The following OBI1 variants were observed in gnomAD, a reference collection of about 807,000 sequenced individuals.
The protein encoded by OBI1 is ORC ubiquitin ligase 1.
Under a neutral mutation model 62.4 loss-of-function variants are expected in OBI1, and 59 were observed. The ratio of observed to expected loss-of-function variants is 0.95; its 90% CI spans 0.77 to 1.17. OBI1 has a LOEUF of 1.17. Ranked by LOEUF, OBI1 falls within the 50% of genes most tolerant of loss-of-function variation. The probability of loss-of-function intolerance (pLI) is 0.00; values close to 1 mark genes in which losing one functional copy is unlikely to be tolerated. For synonymous variants in OBI1, 302 were observed against 292.8 expected (o/e 1.03, Z -0.32); for missense variants, 875 against 830.9 (o/e 1.05, Z -0.65).
Position 78,633,794 on chromosome 13 carries a change from G to A in OBI1, c.638+1316C>T, listed in dbSNP as rs113993379. On this transcript the variant is annotated intron_variant, in intron 5 of 5. Transcript: ENST00000282003. ...AATAAAAACTACTCCATGGCCGGGCGTGGTGGCTCACGCCTGTAATCCCAG... is the reference window on the plus strand; with the variant it reads ...AATAAAAACTACTCCATGGCCGGGCATGGTGGCTCACGCCTGTAATCCCAG... 4.9e-4 allele frequency among the ~76,000 whole-genome samples: 75 copies of A among 152,220 alleles called. 1 individual carries two copies. The highest frequency in any genetic ancestry group is 3.3e-3 in the East Asian group (17 of 5,116).
At position 78,626,570 on chromosome 13, in the gene OBI1, G is replaced by T. The variant is rs567618712; in HGVS notation, c.638+8540C>A. Among the ~76,000 whole-genome samples, 15 of 152,236 alleles carry T rather than the reference G, an allele frequency of 9.9e-5. No homozygotes were observed. The South Asian group carries it at 2.9e-3, about 29-fold the overall frequency. On this transcript the variant is annotated intron_variant, in intron 5 of 5. Transcript: ENST00000282003. Reference sequence around the variant, plus strand: ...CACATATAAACCAACAACTGGGCTAGATCTCAAAGGACAGACAGGGATTAA... The same window carrying T: ...CACATATAAACCAACAACTGGGCTATATCTCAAAGGACAGACAGGGATTAA...
chr13:78,649,900 T>C (rs1876496935), intron 1 of OBI1, among the ~76,000 whole-genome samples: 1 of 152,236 alleles, frequency 6.6e-6, no homozygotes, highest in African/African-American at 2.4e-5. Flanking sequence ...TGCTTATCTT[T>C]TGTCATCAAA....
At chr13:78,654,105 T>TA (rs1876627082) in intron 1 of OBI1, among the ~76,000 whole-genome samples, 1 of 151,120 alleles carries the variant, frequency 6.6e-6, no homozygotes, top group Non-Finnish European at 1.5e-5. Context: ...CCTGTCTAGG[T>TA]AAAAGGAGAG....
Position 78,629,873 on chromosome 13 carries a change from A to T in OBI1, c.638+5237T>A, listed in dbSNP as rs187711812. Among the ~76,000 whole-genome samples the T allele has an allele frequency of 2.1e-3, 318 of 152,308 alleles. 2 individuals are homozygous for T. The highest frequency in any genetic ancestry group is 0.012 in the South Asian group (60 of 4,824). On this transcript the variant is annotated intron_variant, in intron 5 of 5. Coordinates refer to ENST00000282003, the MANE Select transcript of OBI1 (RefSeq NM_024546.4). ...ATAAAAATAGAGGGATGATGGTCAC[A>T]GTAGAGAGATGTAAAAATTACATGG...
chr13:78,627,309 T>TAA lies in OBI1; in HGVS notation c.638+7799_638+7800dup, dbSNP rs60775623. On this transcript the variant is annotated intron_variant, in intron 5 of 5. Transcript: ENST00000282003. ...CCACCTCTACCTGTTTTATTTATTC[T>TAA]AAAAAAAAAAAAAAAAAAAAGGATA... Among the ~76,000 whole-genome samples, 648 of 117,834 alleles carry TAA rather than the reference T, an allele frequency of 5.5e-3. 4 individuals are homozygous for TAA. The highest frequency in any genetic ancestry group is 0.021 in the East Asian group (85 of 4,066). 77.3% of individuals were successfully genotyped at this position (117,834 alleles called of 152,430 possible).
At chr13:78,626,794 G>A (rs542346816) in intron 5 of OBI1, among the ~76,000 whole-genome samples, 13 of 152,312 alleles carry the variant, frequency 8.5e-5, no homozygotes, top group African/African-American at 2.4e-4. Context: ...GGGGCCAGGC[G>A]TGGTGGCTCA....
intron 1 of OBI1, among the ~76,000 whole-genome samples, chr13:78,648,003 T>C (rs917379096): frequency 5.9e-5 from 9 of 151,766 alleles, no homozygotes; most frequent in African/African-American, 1.2e-4. Flanking sequence ...TAATGAACCA[T>C]AGTGTTTCAA....
In OBI1 at chr13:78,644,850, A is replaced by G. The variant is rs762505753; in HGVS notation, c.208+12T>C. 2 of 1,612,578 alleles carry G rather than the reference A, an allele frequency of 1.2e-6. No individual in the cohort carries two copies. Among genetic ancestry groups the G allele is most frequent in the Non-Finnish European group, 1.7e-6 (2 of 1,178,640 alleles). On this transcript the variant is annotated intron_variant, in intron 2 of 5. Transcript: ENST00000282003. ...AAACCTATTCCTATGCATATATAAA[A>G]CAGGCCCTTACCTATAATTTCTTTG...
chr13:78,657,098 C>A (rs1876735378), intron 1 of OBI1, among the ~76,000 whole-genome samples: 1 of 152,040 alleles, frequency 6.6e-6, no homozygotes, highest in South Asian at 2.1e-4. Flanking sequence ...CCTTTTTGAG[C>A]CTGTTTCCTT....
chr13:78,622,929 T>C (rs1316633228), intron 5 of OBI1, among the ~76,000 whole-genome samples: 1 of 152,132 alleles, frequency 6.6e-6, no homozygotes, highest in Admixed American at 6.5e-5. Flanking sequence ...GGGAGAAGGT[T>C]CAAAGCCTCT....
intron 5 of OBI1, among the ~76,000 whole-genome samples, chr13:78,629,939 T>C (rs1196164810): frequency 3.3e-5 from 5 of 152,106 alleles, no homozygotes; most frequent in African/African-American, 1.2e-4. Context: ...CTAGTGTGCT[T>C]ACTGAGTAGT....
At chr13:78,626,991 A>AG (rs1875689790) in intron 5 of OBI1, among the ~76,000 whole-genome samples, 1 of 152,264 alleles carries the variant, frequency 6.6e-6, no homozygotes, top group East Asian at 1.9e-4. Flanking sequence ...GCATGAACCC[A>AG]GGGGGCGGAG....
intron 1 of OBI1, among the ~76,000 whole-genome samples, chr13:78,653,239 A>G (rs1237809050): frequency 6.6e-6 from 1 of 152,224 alleles, no homozygotes; most frequent in Non-Finnish European, 1.5e-5. Context: ...GGTTCCCTGC[A>G]TATTACAGGA....
intron 4 of OBI1, among the ~76,000 whole-genome samples, chr13:78,637,775 C>A (rs757486345): frequency 3.3e-5 from 5 of 152,156 alleles, no homozygotes; most frequent in Admixed American, 6.5e-5. Context: ...TCTGTAGTTT[C>A]TTTTTTATCT....
At chr13:78,653,837 G>A (rs1222071216) in intron 1 of OBI1, among the ~76,000 whole-genome samples, 5 of 151,924 alleles carry the variant, frequency 3.3e-5, no homozygotes, top group Non-Finnish European at 5.9e-5. Flanking sequence ...AAACTTTATC[G>A]GTTTCTCTAG....
chr13:78,648,953 C>T (rs894624641), intron 1 of OBI1, among the ~76,000 whole-genome samples: 4 of 151,574 alleles, frequency 2.6e-5, no homozygotes, highest in African/African-American at 7.3e-5. Context: ...CATGTATTTG[C>T]TCCCACAACA....
In OBI1 at chr13:78,651,326, G is replaced by A. The variant is rs149638445; in HGVS notation, c.73-6329C>T. Reference sequence around the variant, plus strand: ...TGCCAGAGCTACCTTCCTAAAATATGAATAAGCAGCTTTCACTCCTCTCCT... The same window carrying A: ...TGCCAGAGCTACCTTCCTAAAATATAAATAAGCAGCTTTCACTCCTCTCCT... On this transcript the variant is annotated intron_variant, in intron 1 of 5. Coordinates refer to ENST00000282003, the MANE Select transcript of OBI1 (RefSeq NM_024546.4). Among the ~76,000 whole-genome samples, 750 of 152,194 alleles carry A rather than the reference G, an allele frequency of 4.9e-3. 3 individuals carry two copies. The highest frequency in any genetic ancestry group is 0.016 in the African/African-American group (672 of 41,522).
Position 78,628,414 on chromosome 13 carries a change from G to C in OBI1, c.638+6696C>G, listed in dbSNP as rs138144252. Among the ~76,000 whole-genome samples, 703 of 152,290 alleles carry C rather than the reference G, an allele frequency of 4.6e-3. 16 individuals carry two copies. The highest frequency in any genetic ancestry group is 0.042 in the Admixed American group (638 of 15,296). Reference sequence around the variant, plus strand: ...GCAGTAGAAGGTGCTGAGTGAAAGGGCTGCTTTAGATTGAATGATCAGAAA... The same window carrying C: ...GCAGTAGAAGGTGCTGAGTGAAAGGCCTGCTTTAGATTGAATGATCAGAAA... On this transcript the variant is annotated intron_variant, in intron 5 of 5. Transcript: ENST00000282003.
intron 5 of OBI1, among the ~76,000 whole-genome samples, chr13:78,625,345 C>T (rs1875634628): frequency 6.6e-6 from 1 of 152,176 alleles, no homozygotes; most frequent in African/African-American, 2.4e-5. Context: ...CCTGTCTATA[C>T]ATTTTCCACC....
Sources: allele counts gnomAD v4.1 joint callset (sites outside exome capture counted in the v4.1 genomes callset), GRCh38; gene constraint gnomAD v4.1.1; transcripts MANE v1.5; gene names NCBI Gene and HGNC (gene_info 2026-07-23, HGNC 2026-07-21).